The following UTRN variants were observed in gnomAD, a reference collection of about 807,000 sequenced individuals.
UTRN encodes dystrophin-related protein 1.
UTRN carries 283 observed loss-of-function variants against 463.9 expected under a neutral mutation model. The observed-to-expected ratio is 0.61, with a 90% CI of 0.55 to 0.67. The LOEUF (loss-of-function observed/expected upper bound fraction) is 0.67, where lower values mean the gene tolerates loss of function less well. Among genes scored for constraint, UTRN ranks in the 30% least tolerant of loss-of-function variants. The pLI, the probability that UTRN is intolerant of heterozygous loss-of-function variation, is 0.00. For synonymous variants in UTRN, 1,442 were observed against 1,431.5 expected, an observed-to-expected ratio of 1.01 and a Z score of -0.17; for missense variants, 3,922 against 4,084.3, an observed-to-expected ratio of 0.96 and a Z score of 1.08.
At chr6:144,316,661 A>G (rs1775303563) in intron 2 of UTRN, among the ~76,000 whole-genome samples, 1 of 152,248 alleles carries the variant, frequency 6.6e-6, no homozygotes. Flanking sequence ...AATTAATTTT[A>G]GATGGAGAAA....
Position 144,827,336 on chromosome 6 carries a change from C to T in UTRN, c.9495-12C>T. ...GTTCTGTGACTTTTGTCTCCCTCTC[C>T]CCTCTTTGCAGTCCTATCACACTCA... On this transcript the variant is annotated splice_polypyrimidine_tract_variant and intron_variant, in intron 66 of 74. Transcript: ENST00000367545. 6.2e-7 allele frequency: 1 copy of T among 1,613,250 alleles called. No individual in the cohort carries two copies. Among genetic ancestry groups the T allele is most frequent in the Admixed American group, 1.7e-5 (1 of 59,954 alleles).
At chr6:144,487,780 T>A (rs190314783) in intron 29 of UTRN, 83 bp downstream of exon 29, 28 of 1,344,002 alleles carry the variant, frequency 2.1e-5, no homozygotes, top group Admixed American at 5.3e-5. Context: ...AGAGCTTTAA[T>A]GTTGGAAAAA....
rs571457359 is a variant in UTRN, at chr6:144,781,970, A to G, written c.8681A>G (p.Lys2894Arg). 82 of 1,614,068 alleles carry G rather than the reference A, an allele frequency of 5.1e-5. 1 individual carries two copies. In the South Asian group the frequency reaches 8.9e-4, roughly 18 times the overall value. ...ACAAATGAAATTTTCAAACAGCACA[A>G]GTTGAACCAAAATGACCAGCTCCTC... ...STTNEIFKQH[K>R]LNQNDQLLSV... The change falls in exon 61 of 75, where the codon AAG (lysine) becomes AGG (arginine). Residue 2894 changes from lysine to arginine, a missense_variant. Physicochemically the swap from Lys to Arg is conservative, Grantham distance 26. Coordinates refer to ENST00000367545, the MANE Select transcript of UTRN (RefSeq NM_007124.3).
At chr6:144,742,285 A>C (rs1362600396) in intron 54 of UTRN, among the ~76,000 whole-genome samples, 1 of 152,092 alleles carries the variant, frequency 6.6e-6, no homozygotes, top group Non-Finnish European at 1.5e-5. Context: ...GCACTTGATG[A>C]TGTACTTGTA....
intron 65 of UTRN, among the ~76,000 whole-genome samples, chr6:144,819,733 G>A (rs766800599): frequency 6.6e-6 from 1 of 152,132 alleles, no homozygotes; most frequent in Non-Finnish European, 1.5e-5. Context: ...ACAAGTTTCT[G>A]TGAGTCCTGG....
At chr6:144,697,851 C>G (rs895346533) in intron 52 of UTRN, among the ~76,000 whole-genome samples, 2 of 152,102 alleles carry the variant, frequency 1.3e-5, no homozygotes, top group Non-Finnish European at 2.9e-5. Flanking sequence ...TGTTTGTGTG[C>G]ATTTCAATAC....
intron 53 of UTRN, chr6:144,706,588 A>G (rs975271772): frequency 1.3e-5 from 2 of 152,178 alleles, no homozygotes; most frequent in African/African-American, 4.8e-5. Context: ...CCTAAACTTG[A>G]TTACGTATTC....
chr6:144,703,485 GA>G (rs879417443), intron 53 of UTRN, among the ~76,000 whole-genome samples: 6 of 151,666 alleles, frequency 4.0e-5, no homozygotes, highest in African/African-American at 1.5e-4. Context: ...TGTACCAAGG[GA>G]AAAAAAATAT....
intron 53 of UTRN, among the ~76,000 whole-genome samples, chr6:144,729,734 C>T (rs567103825): frequency 6.6e-6 from 1 of 152,176 alleles, no homozygotes; most frequent in Non-Finnish European, 1.5e-5. Flanking sequence ...TTCTGAGAAT[C>T]ATAGATTTGC....
chr6:144,320,965 A>T (rs1775600735), intron 2 of UTRN, among the ~76,000 whole-genome samples: 1 of 151,648 alleles, frequency 6.6e-6, no homozygotes, highest in Non-Finnish European at 1.5e-5. Context: ...GCAGGCACTC[A>T]GACAAGCTCG....
Position 144,403,053 on chromosome 6 carries a change from C to T in UTRN, c.80-70C>T, listed in dbSNP as rs993721054. On this transcript the variant is annotated intron_variant, in intron 2 of 74. Coordinates refer to ENST00000367545, the MANE Select transcript of UTRN (RefSeq NM_007124.3). ...TTAAACTCTCCAGGATAGAGATAAC[C>T]TTATTTGGTGCTTTACTAAAGGTAC... 4 of 1,397,632 alleles carry T rather than the reference C, an allele frequency of 2.9e-6. No homozygotes were observed. The African/African-American group carries it at 5.7e-5, about 20-fold the overall frequency. 86.6% of individuals were successfully genotyped at this position (1,397,632 alleles called of 1,614,324 possible). A position where few individuals can be genotyped will look rare whatever the true frequency, so the allele number is the denominator to read the frequency against.
At chr6:144,686,588 A>G (rs1232591189) in intron 52 of UTRN, among the ~76,000 whole-genome samples, 4 of 152,086 alleles carry the variant, frequency 2.6e-5, no homozygotes, top group Non-Finnish European at 5.9e-5. Flanking sequence ...AGACACATAC[A>G]TGTTTAGGAT....
At chr6:144,551,226 CTTTA>C (rs1489137321) in intron 48 of UTRN, 144 bp downstream of exon 48, 29 of 546,046 alleles carry the variant, frequency 5.3e-5, no homozygotes, top group Non-Finnish European at 6.7e-5. Flanking sequence ...ATTTGTTACT[CTTTA>C]TTTATACAGA....
intron 36 of UTRN, 31 bp from the exon 37 acceptor site, chr6:144,514,619 A>C: frequency 6.2e-7 from 1 of 1,606,914 alleles, no homozygotes; most frequent in Non-Finnish European, 8.5e-7. Context: ...GATTTTTCCC[A>C]TGAGATAATT....
rs373186532 is a variant in UTRN, at chr6:144,713,824, G to A, written c.7809+13581G>A. Among the ~76,000 whole-genome samples, 3 of 151,374 alleles carry A rather than the reference G, an allele frequency of 2.0e-5. No individual in the cohort carries two copies. The East Asian group carries it at 5.9e-4, about 30-fold the overall frequency. On this transcript the variant is annotated intron_variant, in intron 53 of 74. Transcript: ENST00000367545. ...AATCCCAGCTACTCGGGAGGCTGAG[G>A]CAGGAGAATCGCTTGAACCCGGGAG...
At chr6:144,497,041 A>G (rs1793715929) in intron 33 of UTRN, among the ~76,000 whole-genome samples, 1 of 152,242 alleles carries the variant, frequency 6.6e-6, no homozygotes, top group Non-Finnish European at 1.5e-5. Context: ...TGTGTTACAG[A>G]TTAAAATCTG....
chr6:144,610,078 A>T (rs914129054), intron 51 of UTRN, among the ~76,000 whole-genome samples: 1 of 152,124 alleles, frequency 6.6e-6, no homozygotes, highest in South Asian at 2.1e-4. Flanking sequence ...AAGAACAAAG[A>T]TCAGAGCCAA....
intron 51 of UTRN, among the ~76,000 whole-genome samples, chr6:144,585,487 CAAT>C (rs1366985293): frequency 6.6e-6 from 1 of 151,974 alleles, no homozygotes; most frequent in Non-Finnish European, 1.5e-5. Flanking sequence ...GGAAGCGGCA[CAAT>C]TACTATGAAA....
At chr6:144,758,060 CT>C in intron 58 of UTRN, 71 bp downstream of exon 58, 1 of 1,343,470 alleles carries the variant, frequency 7.4e-7, no homozygotes, top group East Asian at 2.3e-5. Flanking sequence ...AGAGGCTTCT[CT>C]CCCCATAACT....
Sources: allele counts gnomAD v4.1 joint callset (sites outside exome capture counted in the v4.1 genomes callset), GRCh38; gene constraint gnomAD v4.1.1; transcripts MANE v1.5; gene names NCBI Gene and HGNC (gene_info 2026-07-23, HGNC 2026-07-21).